Variants in CCSER1 observed in about 807,000 individuals in gnomAD.
The protein encoded by CCSER1 is coiled-coil serine rich protein 1.
Under a neutral mutation model 82.0 loss-of-function variants are expected in CCSER1, and 41 were observed. The ratio of observed to expected loss-of-function variants is 0.50; its 90% confidence interval spans 0.39 to 0.65. The LOEUF (loss-of-function observed/expected upper bound fraction) is 0.65. CCSER1 is among the 30% of genes least tolerant of loss of function. CCSER1 has a pLI of 0.00. For synonymous variants in CCSER1, 414 were observed against 383.9 expected (o/e 1.08, Z -0.92); for missense variants, 1,119 against 1,064.2 (o/e 1.05, Z -0.72).
chr4:90,701,604 T>C (rs1738140200), intron 6 of CCSER1, among the ~76,000 whole-genome samples: 1 of 152,242 alleles, frequency 6.6e-6, no homozygotes, highest in Non-Finnish European at 1.5e-5. Flanking sequence ...ATATTGATTC[T>C]TCCTACCCAT....
At chr4:90,905,280 A>T (rs968219380) in intron 8 of CCSER1, among the ~76,000 whole-genome samples, 1 of 151,972 alleles carries the variant, frequency 6.6e-6, no homozygotes, top group East Asian at 1.9e-4. Flanking sequence ...TTTCCCACTG[A>T]TCTAAACATA....
intron 3 of CCSER1, among the ~76,000 whole-genome samples, chr4:90,345,145 A>G (rs1183177487): frequency 6.6e-6 from 1 of 152,160 alleles, no homozygotes; most frequent in African/African-American, 2.4e-5. Flanking sequence ...ACATTTAAGA[A>G]TACACGTTTG....
chr4:91,062,333 T>C (rs1241234496), intron 9 of CCSER1, among the ~76,000 whole-genome samples: 1 of 152,054 alleles, frequency 6.6e-6, no homozygotes, highest in South Asian at 2.1e-4. Context: ...GCGTGTATCA[T>C]TCATGCTTAG....
intron 1 of CCSER1, among the ~76,000 whole-genome samples, chr4:90,293,262 T>A (rs1193921639): frequency 2.0e-5 from 3 of 151,720 alleles, no homozygotes; most frequent in African/African-American, 7.2e-5. Flanking sequence ...TGAGTGTGAA[T>A]CCCTTTAAAA....
chr4:91,484,670 A>G (rs1246642417), intron 10 of CCSER1, among the ~76,000 whole-genome samples: 1 of 152,184 alleles, frequency 6.6e-6, no homozygotes, highest in African/African-American at 2.4e-5. Flanking sequence ...GCTTCTAAAG[A>G]GTTCACTTGT....
intron 1 of CCSER1, among the ~76,000 whole-genome samples, chr4:90,269,119 AT>A (rs1725779335): frequency 6.6e-6 from 1 of 152,154 alleles, no homozygotes; most frequent in South Asian, 2.1e-4. Context: ...AACTTTCAGC[AT>A]TGGACAGATT....
chr4:90,860,086 G>C lies in CCSER1; in HGVS notation c.2094+44241G>C, dbSNP rs113502668. On this transcript the variant is annotated intron_variant, in intron 8 of 10. Transcript: ENST00000509176. ...TGAAGACAACCAATACAATGAAACT[G>C]TTTGAAAATCATGTATCTGATAAGA... 2.9e-3 allele frequency among the ~76,000 whole-genome samples: 437 copies of C among 151,764 alleles called. 1 individual carries two copies. The highest frequency in any genetic ancestry group is 4.9e-3 in the Non-Finnish European group (329 of 67,700).
At chr4:90,201,115 C>G (rs1737619327) in intron 1 of CCSER1, among the ~76,000 whole-genome samples, 1 of 152,170 alleles carries the variant, frequency 6.6e-6, no homozygotes, top group Non-Finnish European at 1.5e-5. Flanking sequence ...GCATGCTTCA[C>G]ATGCAAATAG....
chr4:91,200,372 G>A (rs1382462599), intron 10 of CCSER1, among the ~76,000 whole-genome samples: 1 of 152,028 alleles, frequency 6.6e-6, no homozygotes, highest in African/African-American at 2.4e-5. Flanking sequence ...CAATTCAGAA[G>A]CCATTCCCTT....
intron 10 of CCSER1, among the ~76,000 whole-genome samples, chr4:91,457,325 C>T (rs1275395202): frequency 1.3e-5 from 2 of 151,760 alleles, no homozygotes; most frequent in Non-Finnish European, 2.9e-5. Context: ...TCAAGAATAT[C>T]TTCAACTCCT....
intron 10 of CCSER1, among the ~76,000 whole-genome samples, chr4:91,287,847 C>T (rs1435167955): frequency 6.6e-6 from 1 of 151,676 alleles, no homozygotes; most frequent in Non-Finnish European, 1.5e-5. Context: ...AGGAAAAATG[C>T]AATATGTGTT....
intron 10 of CCSER1, among the ~76,000 whole-genome samples, chr4:91,149,634 T>C (rs1463084770): frequency 6.6e-6 from 1 of 152,104 alleles, no homozygotes; most frequent in Non-Finnish European, 1.5e-5. Context: ...AGTCTTTAAT[T>C]CATCTTGAAT....
intron 4 of CCSER1, among the ~76,000 whole-genome samples, chr4:90,441,282 A>G (rs1441058669): frequency 6.6e-6 from 1 of 152,102 alleles, no homozygotes; most frequent in African/African-American, 2.4e-5. Flanking sequence ...TCATCTTGCC[A>G]TAACAAAATA....
At chr4:90,732,726 T>G (rs1291581001) in intron 7 of CCSER1, among the ~76,000 whole-genome samples, 1 of 152,198 alleles carries the variant, frequency 6.6e-6, no homozygotes, top group African/African-American at 2.4e-5. Flanking sequence ...ATTTGTTCTC[T>G]ATCTCCATCA....
intron 6 of CCSER1, among the ~76,000 whole-genome samples, chr4:90,662,378 ATACTATATTATAT>A (rs1730984450): frequency 6.6e-6 from 1 of 152,040 alleles, no homozygotes; most frequent in Non-Finnish European, 1.5e-5. Flanking sequence ...TCTGCTACTT[ATACTATATTATAT>A]GGAATAATAT....
chr4:90,654,724 TAA>T (rs1361820516), intron 6 of CCSER1, among the ~76,000 whole-genome samples: 1 of 152,092 alleles, frequency 6.6e-6, no homozygotes, highest in Non-Finnish European at 1.5e-5. Context: ...TATATCTCTG[TAA>T]GTGAAAGAAT....
intron 10 of CCSER1, among the ~76,000 whole-genome samples, chr4:91,480,833 T>A (rs1757867398): frequency 6.6e-6 from 1 of 152,196 alleles, no homozygotes; most frequent in Admixed American, 6.5e-5. Context: ...TGTTAATATG[T>A]AACAAGTGTC....
At chr4:91,169,018 T>C (rs1560487191) in intron 10 of CCSER1, among the ~76,000 whole-genome samples, 1 of 151,960 alleles carries the variant, frequency 6.6e-6, no homozygotes, top group Non-Finnish European at 1.5e-5. Flanking sequence ...TTAAGAGTCA[T>C]CACCACTCCC....
At chr4:91,522,254 CAGTA>C (rs1760516624) in intron 10 of CCSER1, among the ~76,000 whole-genome samples, 1 of 152,132 alleles carries the variant, frequency 6.6e-6, no homozygotes, top group African/African-American at 2.4e-5. Flanking sequence ...GTTTTGGTAC[CAGTA>C]CCATGCTGTT....
Sources: gnomAD v4.1 joint callset for allele counts (sites outside exome capture counted in the v4.1 genomes callset) on GRCh38, gnomAD v4.1.1 for gene constraint, MANE v1.5 for transcripts, NCBI Gene and HGNC (gene_info 2026-07-23, HGNC 2026-07-21) for gene names.